Variants in RAB38 observed in about 807,000 individuals in gnomAD.
The protein encoded by RAB38 is ras-related protein Rab-38.
RAB38 carries 15 observed loss-of-function variants against 18.4 expected under a neutral mutation model. The observed-to-expected ratio is 0.82, with a 90% confidence interval of 0.55 to 1.26. The LOEUF is 1.26. Among genes scored for constraint, RAB38 ranks in the 50% most tolerant of loss-of-function variants. The pLI is 0.00. For synonymous variants in RAB38, 101 were observed against 104.4 expected (o/e 0.97, Z 0.20); for missense variants, 294 against 267.4 (o/e 1.10, Z -0.69).
At chr11:87,958,608 A>C in the RAB38 span, among the ~76,000 whole-genome samples, 1 of 152,172 alleles carries the variant, frequency 6.6e-6, no homozygotes, top group Non-Finnish European at 1.5e-5. Context: ...AGTAGACAGC[A>C]AGAAACCTAA....
the RAB38 span, among the ~76,000 whole-genome samples, chr11:88,004,736 T>G: frequency 6.6e-6 from 1 of 151,358 alleles, no homozygotes; most frequent in South Asian, 2.1e-4. Context: ...ATAAAAATTT[T>G]CAAGTAAACT....
At chr11:87,854,943 C>T in the RAB38 span, among the ~76,000 whole-genome samples, 13 of 152,114 alleles carry the variant, frequency 8.5e-5, no homozygotes, top group South Asian at 2.5e-3. Context: ...TACAGGTGCC[C>T]ACCACCATGC....
the RAB38 span, among the ~76,000 whole-genome samples, chr11:87,819,895 G>A: frequency 3.1e-3 from 476 of 151,756 alleles, 2 homozygotes; most frequent in African/African-American, 0.011. Context: ...AAGGAAGAAA[G>A]AAACACAAGC....
the RAB38 span, among the ~76,000 whole-genome samples, chr11:87,827,569 A>T: frequency 6.6e-6 from 1 of 152,158 alleles, no homozygotes; most frequent in East Asian, 1.9e-4. Flanking sequence ...ATTTTCACTG[A>T]TAGTGTTGAT....
the RAB38 span, among the ~76,000 whole-genome samples, chr11:88,016,673 C>T: frequency 5.3e-3 from 808 of 152,168 alleles, 4 homozygotes; most frequent in African/African-American, 0.018. Flanking sequence ...TTTGCCCCAT[C>T]AGCTATTTCC....
chr11:88,082,949 T>C, the RAB38 span, among the ~76,000 whole-genome samples: 8 of 151,904 alleles, frequency 5.3e-5, no homozygotes, highest in Non-Finnish European at 1.0e-4. Flanking sequence ...CCTAGATAAT[T>C]TGGTCTTCTA....
chr11:87,908,699 A>G, the RAB38 span, among the ~76,000 whole-genome samples: 135 of 152,116 alleles, frequency 8.9e-4, no homozygotes, highest in Non-Finnish European at 1.3e-3. Flanking sequence ...CAATTTTAAA[A>G]TTCTAAACCA....
chr11:88,096,104 A>G, the RAB38 span, among the ~76,000 whole-genome samples: 1 of 150,678 alleles, frequency 6.6e-6, no homozygotes, highest in African/African-American at 2.5e-5. Context: ...TCCTCTTCTC[A>G]GTATCTTCTA....
At chr11:87,948,422 C>CCAA in the RAB38 span, among the ~76,000 whole-genome samples, 1 of 151,940 alleles carries the variant, frequency 6.6e-6, no homozygotes, top group African/African-American at 2.4e-5. Context: ...GCCAGAACTT[C>CCAA]CAACACTATG....
chr11:88,009,056 G>C, the RAB38 span, among the ~76,000 whole-genome samples: 1 of 152,082 alleles, frequency 6.6e-6, no homozygotes, highest in South Asian at 2.1e-4. Context: ...CCCAGGCCAA[G>C]ACATATCATC....
chr11:87,808,743 G>C, the RAB38 span, among the ~76,000 whole-genome samples: 1 of 151,998 alleles, frequency 6.6e-6, no homozygotes, highest in African/African-American at 2.4e-5. Flanking sequence ...TCAGTAAACT[G>C]TATATTTCAA....
chr11:88,131,960 G>T (rs904213150), intron 2 of RAB38, among the ~76,000 whole-genome samples: 5 of 152,134 alleles, frequency 3.3e-5, no homozygotes, highest in African/African-American at 1.2e-4. Context: ...CAACCCCCAG[G>T]CAACAGCCAG....
At chr11:87,833,474 A>T in the RAB38 span, among the ~76,000 whole-genome samples, 1 of 152,172 alleles carries the variant, frequency 6.6e-6, no homozygotes, top group South Asian at 2.1e-4. Flanking sequence ...ATCTCATTAG[A>T]AACTGGTCCC....
chr11:87,831,971 C>T, the RAB38 span, among the ~76,000 whole-genome samples: 1 of 152,156 alleles, frequency 6.6e-6, no homozygotes, highest in Non-Finnish European at 1.5e-5. Flanking sequence ...TATTAAATGT[C>T]TACTATGTGC....
At chr11:87,956,646 T>G in the RAB38 span, among the ~76,000 whole-genome samples, 1 of 152,142 alleles carries the variant, frequency 6.6e-6, no homozygotes, top group Non-Finnish European at 1.5e-5. Flanking sequence ...TGTGAAAACA[T>G]GGCACTCAGC....
At chr11:88,108,096 A>T in the RAB38 span, among the ~76,000 whole-genome samples, 1 of 152,056 alleles carries the variant, frequency 6.6e-6, no homozygotes, top group Non-Finnish European at 1.5e-5. Context: ...TGTATATACT[A>T]TTGATTTGGG....
the RAB38 span, among the ~76,000 whole-genome samples, chr11:87,887,496 G>A: frequency 6.6e-6 from 1 of 151,970 alleles, no homozygotes; most frequent in Non-Finnish European, 1.5e-5. Flanking sequence ...GGTAAAGTCT[G>A]AGCACCCTGG....
the RAB38 span, among the ~76,000 whole-genome samples, chr11:87,861,703 G>T: frequency 6.6e-6 from 1 of 151,794 alleles, no homozygotes; most frequent in Non-Finnish European, 1.5e-5. Flanking sequence ...CAACAATGCT[G>T]CTGCTTATTC....
the RAB38 span, among the ~76,000 whole-genome samples, chr11:88,056,275 C>T: frequency 6.6e-6 from 1 of 152,116 alleles, no homozygotes; most frequent in African/African-American, 2.4e-5. Flanking sequence ...TGTTTGTCTT[C>T]AGGATGCCTA....
Sources: allele counts gnomAD v4.1 joint callset (sites outside exome capture counted in the v4.1 genomes callset), GRCh38; gene constraint gnomAD v4.1.1; transcripts MANE v1.5; gene names NCBI Gene and HGNC (gene_info 2026-07-23, HGNC 2026-07-21).